The following MALRD1 variants were observed in gnomAD, a reference collection of about 807,000 sequenced individuals.
The protein encoded by MALRD1 is MAM and LDL receptor class A domain containing 1.
Under a neutral mutation model 242.1 loss-of-function variants are expected in MALRD1, and 247 were observed. The ratio of observed to expected loss-of-function variants is 1.02; its 90% CI spans 0.92 to 1.13. The LOEUF (loss-of-function observed/expected upper bound fraction) is 1.13, where lower values mean the gene tolerates loss of function less well. MALRD1 is among the 50% of genes most tolerant of loss of function. The pLI, the probability that MALRD1 is intolerant of heterozygous loss-of-function variation, is 0.00. For synonymous variants in MALRD1, 995 were observed against 866.6 expected (o/e 1.15, Z -2.60); for missense variants, 2,989 against 2,533.1 (o/e 1.18, Z -3.86).
intron 34 of MALRD1, among the ~76,000 whole-genome samples, chr10:19,604,041 C>G (rs931001543): frequency 6.6e-6 from 1 of 152,146 alleles, no homozygotes; most frequent in African/African-American, 2.4e-5. Context: ...ATGCAGATCT[C>G]TGACTTTAAA....
At chr10:19,708,947 G>A (rs1282806944) in intron 38 of MALRD1, among the ~76,000 whole-genome samples, 1 of 121,938 alleles carries the variant, frequency 8.2e-6, no homozygotes, top group African/African-American at 2.6e-5. Flanking sequence ...ACAGGCATGA[G>A]CCACCACATC....
At position 19,283,111 on chromosome 10, in the gene MALRD1, T is replaced by G; in HGVS notation, c.3349T>G (p.Trp1117Gly). 1 of 1,549,610 alleles carries G rather than the reference T, an allele frequency of 6.5e-7. No individual in the cohort carries two copies. The highest frequency in any genetic ancestry group is 2.4e-5 in the East Asian group (1 of 40,854). ...GCTTCAAGATTCAAACACATTCAGG[T>G]GGGGGCTTGGGAACGGGATCAGCAT... ...HLLQDSNTFR[W>G]GLGNGISIHH... Residue 1117 changes from tryptophan (W) to glycine (G), a missense_variant, in exon 21 of 40, where the codon TGG (tryptophan) becomes GGG (glycine). Transcript: ENST00000454679.
chr10:19,516,790 CCTT>C (rs1184247344), intron 31 of MALRD1, among the ~76,000 whole-genome samples: 3 of 149,662 alleles, frequency 2.0e-5, no homozygotes, highest in Admixed American at 1.3e-4. Context: ...CTCTTCTCCT[CCTT>C]CTCCTTCATC....
intron 18 of MALRD1, among the ~76,000 whole-genome samples, chr10:19,238,890 T>C (rs897901901): frequency 4.5e-4 from 69 of 151,936 alleles, no homozygotes; most frequent in African/African-American, 1.5e-3. Context: ...ACTCTTGTTG[T>C]CTTTTACCTT....
At chr10:19,627,368 A>G (rs1368950485) in intron 36 of MALRD1, among the ~76,000 whole-genome samples, 1 of 152,104 alleles carries the variant, frequency 6.6e-6, no homozygotes, top group Non-Finnish European at 1.5e-5. Context: ...ATGATGCTTA[A>G]AAGTATTCAG....
At chr10:19,070,310 A>G (rs1345249926) in intron 2 of MALRD1, among the ~76,000 whole-genome samples, 1 of 152,132 alleles carries the variant, frequency 6.6e-6, no homozygotes, top group African/African-American at 2.4e-5. Context: ...ACATTAGCCT[A>G]CGGTTGGGTC....
intron 18 of MALRD1, among the ~76,000 whole-genome samples, chr10:19,245,880 A>G (rs1464834739): frequency 2.0e-5 from 3 of 152,196 alleles, no homozygotes; most frequent in African/African-American, 7.2e-5. Flanking sequence ...TCTTGAGATG[A>G]GTTGTAAATG....
At chr10:19,270,525 AAAAGAG>A (rs1234075321) in intron 19 of MALRD1, among the ~76,000 whole-genome samples, 3 of 152,086 alleles carry the variant, frequency 2.0e-5, no homozygotes, top group African/African-American at 7.2e-5. Flanking sequence ...GTGAGAGAAA[AAAAGAG>A]AGAGTATTGA....
At chr10:19,665,085 C>G (rs976656436) in intron 36 of MALRD1, among the ~76,000 whole-genome samples, 1 of 152,022 alleles carries the variant, frequency 6.6e-6, no homozygotes, top group South Asian at 2.1e-4. Flanking sequence ...ATTAGACTGA[C>G]AAAATATAGA....
intron 18 of MALRD1, among the ~76,000 whole-genome samples, chr10:19,242,849 A>G (rs761046615): frequency 1.3e-5 from 2 of 152,042 alleles, no homozygotes; most frequent in African/African-American, 2.4e-5. Flanking sequence ...TAGGCAGCAT[A>G]TAGGTGGGTT....
At chr10:19,478,779 A>G (rs1437256492) in intron 29 of MALRD1, among the ~76,000 whole-genome samples, 2 of 152,138 alleles carry the variant, frequency 1.3e-5, no homozygotes, top group South Asian at 4.1e-4. Flanking sequence ...CTGTGTTTAT[A>G]TAGAGTATCA....
At chr10:19,320,521 C>T (rs4465280) in intron 21 of MALRD1, among the ~76,000 whole-genome samples, 14,418 of 152,086 alleles carry the variant, frequency 0.095, 805 homozygotes, top group East Asian at 0.16. Flanking sequence ...AGTAGTGCTG[C>T]AATAAACATA....
chr10:19,473,256 G>C (rs1274354003), intron 29 of MALRD1, among the ~76,000 whole-genome samples: 1 of 151,118 alleles, frequency 6.6e-6, no homozygotes, highest in African/African-American at 2.4e-5. Context: ...AACAGTGCCT[G>C]GCATACTACA....
chr10:19,593,073 A>G (rs1040408394), intron 33 of MALRD1, among the ~76,000 whole-genome samples: 5 of 152,200 alleles, frequency 3.3e-5, no homozygotes, highest in African/African-American at 1.2e-4. Context: ...TTACAGAGAA[A>G]CTATTTATTT....
chr10:19,553,605 C>G (rs1311965543), intron 32 of MALRD1, among the ~76,000 whole-genome samples: 2 of 152,102 alleles, frequency 1.3e-5, no homozygotes, highest in East Asian at 1.9e-4. Context: ...AAAATCAAAT[C>G]TACTTCAAAA....
rs1040101031 is a variant in MALRD1, at chr10:19,347,896, G to A, written c.4027G>A (p.Asp1343Asn). Reference protein sequence around the residue: ...IPAAGTEPAADHTLGNSSGHY... With the variant: ...IPAAGTEPAANHTLGNSSGHY... The stretch of plus-strand genomic sequence containing the variant: ...TGCAGCAGGCACAGAGCCAGCAGCA[G>A]ATCACACTTTGGGAAATTCATCTGG... Residue 1343 changes from aspartate (D) to asparagine (N), a missense_variant, in exon 25 of 40, where the codon GAT (aspartate) becomes AAT (asparagine). Physicochemically the swap from Asp to Asn is conservative, Grantham distance 23. Coordinates refer to ENST00000454679, the MANE Select transcript of MALRD1 (RefSeq NM_001142308.3). 4 of 1,550,240 alleles carry A rather than the reference G, an allele frequency of 2.6e-6. No homozygotes were observed. The African/African-American group carries it at 5.5e-5, about 21-fold the overall frequency.
chr10:19,328,955 A>G (rs1843248307), intron 23 of MALRD1, among the ~76,000 whole-genome samples: 1 of 152,210 alleles, frequency 6.6e-6, no homozygotes, highest in South Asian at 2.1e-4. Flanking sequence ...CTTCCACCCC[A>G]GGAGATGAAG....
chr10:19,189,506 C>CAA (rs35481346), intron 14 of MALRD1, among the ~76,000 whole-genome samples: 27 of 151,424 alleles, frequency 1.8e-4, no homozygotes, highest in Non-Finnish European at 2.7e-4. Context: ...AAAGAGACTG[C>CAA]AAAAAAAACT....
chr10:19,208,291 G>A (rs1313044869), intron 17 of MALRD1, among the ~76,000 whole-genome samples: 1 of 152,126 alleles, frequency 6.6e-6, no homozygotes, highest in East Asian at 1.9e-4. Flanking sequence ...AAAGTGGCAA[G>A]GCACATACCT....
Sources: allele counts gnomAD v4.1 joint callset (sites outside exome capture counted in the v4.1 genomes callset), GRCh38; gene constraint gnomAD v4.1.1; transcripts MANE v1.5; gene names NCBI Gene and HGNC (gene_info 2026-07-23, HGNC 2026-07-21).